PIEZO2: variants seen among roughly 807,000 people sequenced by gnomAD.
The protein encoded by PIEZO2 is piezo-type mechanosensitive ion channel component 2.
In PIEZO2, 172 loss-of-function variants were observed where a neutral mutation model predicts 337.3. The observed-to-expected ratio is 0.51, with a 90% confidence interval of 0.45 to 0.58. PIEZO2 has a LOEUF of 0.58. Ranked by LOEUF, PIEZO2 falls within the 20% of genes least tolerant of loss-of-function variation. PIEZO2 has a pLI of 0.00. For missense variants in PIEZO2, 3,028 were observed against 3,391.3 expected (o/e 0.89, Z 2.66); for synonymous variants, 1,251 against 1,228.5 (o/e 1.02, Z -0.38).
chr18:10,743,472 TC>T (rs571304642), intron 31 of PIEZO2, among the ~76,000 whole-genome samples: 137 of 152,266 alleles, frequency 9.0e-4, no homozygotes, highest in African/African-American at 3.2e-3. Flanking sequence ...TCCATGGAAT[TC>T]CCAAGTCTCC....
chr18:11,038,184 C>T lies in PIEZO2; in HGVS notation c.160+27943G>A, dbSNP rs185308999. On this transcript the variant is annotated intron_variant, in intron 2 of 55. Transcript: ENST00000674853. This position sits in a 1 kb window ranked among gnomAD's most constrained non-coding sequence, Gnocchi z 4.1. Reference sequence around the variant, plus strand: ...ATAACCTTTCTCATTTTCTCTAGGTCCTAGTCACCAGAACCACTATACAGT... The same window carrying T: ...ATAACCTTTCTCATTTTCTCTAGGTTCTAGTCACCAGAACCACTATACAGT... Among the ~76,000 whole-genome samples the T allele has an allele frequency of 1.0e-3, 155 of 152,206 alleles. No homozygotes were observed. The highest frequency in any genetic ancestry group is 1.7e-3 in the Non-Finnish European group (118 of 68,020).
At chr18:10,755,473 T>C (rs2037801005) in intron 27 of PIEZO2, among the ~76,000 whole-genome samples, 1 of 152,156 alleles carries the variant, frequency 6.6e-6, no homozygotes, top group South Asian at 2.1e-4. Context: ...CTGAGTGGAA[T>C]GTTACAGGCA....
intron 12 of PIEZO2, among the ~76,000 whole-genome samples, chr18:10,796,369 C>A (rs1201743944): frequency 4.8e-5 from 7 of 144,576 alleles, no homozygotes; most frequent in Admixed American, 6.8e-5. Flanking sequence ...GACTCCATCT[C>A]AAAAAAAAAA....
intron 4 of PIEZO2, among the ~76,000 whole-genome samples, chr18:10,910,273 G>T (rs1265721748): frequency 6.6e-6 from 1 of 152,186 alleles, no homozygotes; most frequent in Admixed American, 6.5e-5. Flanking sequence ...TTCATTCCAA[G>T]GTAGGTGGTT....
intron 1 of PIEZO2, among the ~76,000 whole-genome samples, chr18:11,073,440 TC>T (rs1356390520): frequency 1.3e-5 from 2 of 152,176 alleles, no homozygotes; most frequent in African/African-American, 4.8e-5. Flanking sequence ...GCTACATGTG[TC>T]CTTCAGAGAG....
chr18:10,885,482 G>T (rs2042552608), intron 4 of PIEZO2, among the ~76,000 whole-genome samples: 1 of 152,110 alleles, frequency 6.6e-6, no homozygotes, highest in South Asian at 2.1e-4. Context: ...GGAGGTGATA[G>T]GAACAGTTCC....
chr18:10,994,495 C>T (rs935338475), intron 2 of PIEZO2, among the ~76,000 whole-genome samples: 8 of 150,030 alleles, frequency 5.3e-5, no homozygotes, highest in African/African-American at 7.4e-5. Context: ...CTGCAACCTC[C>T]GCCTCCAGGG....
rs200151118 is a variant in PIEZO2, at chr18:10,941,155, G to GA, written c.287-29928dup. Among the ~76,000 whole-genome samples, 1,489 of 151,678 alleles carry GA rather than the reference G, an allele frequency of 9.8e-3. 18 individuals are homozygous for GA. Among genetic ancestry groups the GA allele is most frequent in the African/African-American group, 0.033 (1,377 of 41,360 alleles). On this transcript the variant is annotated intron_variant, in intron 3 of 55. Transcript: ENST00000674853. ...TAAACAATTATCCCAACTAAAAAAT[G>GA]AAAAAAAATGTTGGGGTCAACATTT... is the stretch of plus-strand genomic sequence containing the variant.
chr18:11,020,134 T>C (rs1439495135), intron 2 of PIEZO2, among the ~76,000 whole-genome samples: 2 of 152,188 alleles, frequency 1.3e-5, no homozygotes, highest in Non-Finnish European at 2.9e-5. Context: ...TTTAAAAAAA[T>C]AGTCACACAA....
intron 3 of PIEZO2, among the ~76,000 whole-genome samples, chr18:10,941,390 T>C (rs1003491094): frequency 6.6e-6 from 1 of 152,194 alleles, no homozygotes; most frequent in Non-Finnish European, 1.5e-5. Flanking sequence ...TGAAGACATC[T>C]GAATAATGAA....
In PIEZO2 at chr18:11,027,297, A is replaced by C. The variant is rs1014192160; in HGVS notation, c.160+38830T>G. ...GAGTTCTGAGCTCCAGTCAAGGTAT[A>C]ACCGGGCTCTGCTGGACCTGTGTGT... On this transcript the variant is annotated intron_variant, in intron 2 of 55. Transcript: ENST00000674853. This position sits in a 1 kb window ranked among gnomAD's most constrained non-coding sequence, Gnocchi z 4.2. 6.6e-6 allele frequency among the ~76,000 whole-genome samples: 1 copy of C among 152,168 alleles called. No individual in the cohort carries two copies. The highest frequency in any genetic ancestry group is 6.5e-5 in the Admixed American group (1 of 15,270).
chr18:11,064,474 T>C (rs1399626104), intron 2 of PIEZO2, among the ~76,000 whole-genome samples: 1 of 152,230 alleles, frequency 6.6e-6, no homozygotes, highest in East Asian at 1.9e-4. Context: ...CCTTGTAACA[T>C]TTTGTTAGTT....
intron 49 of PIEZO2, among the ~76,000 whole-genome samples, chr18:10,685,883 G>A (rs963262275): frequency 2.6e-5 from 4 of 152,144 alleles, no homozygotes; most frequent in African/African-American, 7.2e-5. Context: ...ACGAGATTGC[G>A]CCTTACTGGC....
chr18:11,061,880 A>C (rs1409395127), intron 2 of PIEZO2, among the ~76,000 whole-genome samples: 1 of 152,172 alleles, frequency 6.6e-6, no homozygotes, highest in African/African-American at 2.4e-5. Flanking sequence ...GCTACCAATG[A>C]CTTTCTTCAC....
intron 7 of PIEZO2, among the ~76,000 whole-genome samples, chr18:10,812,614 C>G (rs1598518532): frequency 6.6e-6 from 1 of 152,142 alleles, no homozygotes; most frequent in Non-Finnish European, 1.5e-5. Context: ...TGTGATGAGT[C>G]TTCCCCCTGA....
In PIEZO2 at chr18:10,696,045, T is replaced by C. The variant is rs11661737; in HGVS notation, c.7190+29A>G. 582,102 of 1,579,332 alleles carry C rather than the reference T, an allele frequency of 0.37. 108,289 individuals are homozygous for C. The highest frequency in any genetic ancestry group is 0.38 in the Non-Finnish European group (437,673 of 1,148,760). On this transcript the variant is annotated intron_variant, in intron 47 of 55. Transcript: ENST00000674853. ...GGAAACACAGTTGCATGGAGGCAGG[T>C]TGGTGCCTCTGGCTTCTGAAGACCT...
intron 11 of PIEZO2, among the ~76,000 whole-genome samples, chr18:10,798,912 C>T (rs2039704886): frequency 1.3e-5 from 2 of 151,232 alleles, no homozygotes; most frequent in Non-Finnish European, 2.9e-5. Context: ...GAAGCAGAAA[C>T]AGGGAACGAA....
rs567654215 is a variant in PIEZO2 at position 10,980,113 on chromosome 18, C to T, written c.161-453G>A. ...ATAAGGCTAGAAAAGAAAATTATAA[C>T]CCCATGTTACTCATAACATAGATAT... On this transcript the variant is annotated intron_variant, in intron 2 of 55. Transcript: ENST00000674853. The surrounding 1 kb of genome is among the most constrained non-coding windows in gnomAD (Gnocchi z 4.8). Among the ~76,000 whole-genome samples, 16 of 152,138 alleles carry T rather than the reference C, an allele frequency of 1.1e-4. No individual in the cohort carries two copies. The highest frequency in any genetic ancestry group is 2.6e-4 in the Admixed American group (4 of 15,282).
At chr18:10,789,925 T>G (rs1177815362) in intron 14 of PIEZO2, among the ~76,000 whole-genome samples, 6 of 152,216 alleles carry the variant, frequency 3.9e-5, no homozygotes, top group Non-Finnish European at 8.8e-5. Context: ...TTTGTGTTGC[T>G]TTAAAATACA....
Sources: gnomAD v4.1 joint callset for allele counts (sites outside exome capture counted in the v4.1 genomes callset) on GRCh38, gnomAD v4.1.1 for gene constraint, Gnocchi (gnomAD v3.1) non-coding constraint, MANE v1.5 for transcripts, NCBI Gene and HGNC (gene_info 2026-07-23, HGNC 2026-07-21) for gene names.